The following FOXRED2 variants were observed in gnomAD, a reference collection of about 807,000 sequenced individuals.
The protein encoded by FOXRED2 is FAD-dependent oxidoreductase domain-containing protein 2.
In FOXRED2, 32 loss-of-function variants were observed where a neutral mutation model predicts 52.5. That is an observed-to-expected ratio of 0.61 (90% CI 0.46 to 0.82). FOXRED2 has a LOEUF of 0.82. Among genes scored for constraint, FOXRED2 ranks in the 40% least tolerant of loss-of-function variants. The pLI, the probability that FOXRED2 is intolerant of heterozygous loss-of-function variation, is 0.00. For synonymous variants in FOXRED2, 405 were observed against 398.1 expected, an observed-to-expected ratio of 1.02 and a Z score of -0.21; for missense variants, 848 against 937.5, an observed-to-expected ratio of 0.90 and a Z score of 1.25.
Position 36,493,539 on chromosome 22 carries a change from G to C in FOXRED2, c.1795+94C>G, listed in dbSNP as rs550958866. On this transcript the variant is annotated intron_variant, in intron 8 of 8. Transcript: ENST00000397224. ...CAGTAGTCTGGGGTTTGGATTTCCA[G>C]ATATGGGTCCTGAAACTCCACGGGT... The C allele has an allele frequency of 5.5e-4, 597 of 1,089,538 alleles. 1 individual carries two copies. Among genetic ancestry groups the C allele is most frequent in the Non-Finnish European group, 7.4e-4 (559 of 752,216 alleles). The allele number at this position is 1,089,538 out of a possible 1,614,324, so 67.5% of individuals were successfully genotyped here. A position where few individuals can be genotyped will look rare whatever the true frequency, so the allele number is the denominator to read the frequency against.
In FOXRED2 at chr22:36,504,531, A is replaced by T; in HGVS notation, c.763T>A (p.Tyr255Asn). ...SRVRLSWATH[Y>N]VGDLRAINNG... The stretch of plus-strand genomic sequence containing the variant: ...GTGGCCTACCTGAGGTCTCCAACGT[A>T]GTGGGTGGCCCAGGACAGACGGACC... The change falls in exon 3 of 9, where the codon TAC becomes AAC. Residue 255 changes from tyrosine to asparagine, a missense_variant. Tyr to Asn is a moderately radical substitution (Grantham distance 143, BLOSUM62 -2). Coordinates refer to ENST00000397224, the MANE Select transcript of FOXRED2 (RefSeq NM_001102371.2). 6.2e-7 allele frequency: 1 copy of T among 1,614,176 alleles called. No homozygotes were observed. Among genetic ancestry groups the T allele is most frequent in the Non-Finnish European group, 8.5e-7 (1 of 1,180,030 alleles).
At chr22:36,499,516 C>G (rs117330484) in intron 5 of FOXRED2, among the ~76,000 whole-genome samples, 3,978 of 152,132 alleles carry the variant, frequency 0.026, 94 homozygotes, top group Non-Finnish European at 0.042. Context: ...GTCCCAGCCA[C>G]TCAGAAGGCT....
At chr22:36,504,393 G>A in intron 3 of FOXRED2, 26 bp from the exon 4 acceptor site, 2 of 1,611,974 alleles carry the variant, frequency 1.2e-6, no homozygotes, top group Non-Finnish European at 1.7e-6. Flanking sequence ...ATGCAGGGGA[G>A]AGAGACTCAG....
chr22:36,493,541 T>C, intron 8 of FOXRED2, 92 bp downstream of exon 8: 1 of 1,102,624 alleles, frequency 9.1e-7, no homozygotes, highest in Non-Finnish European at 1.3e-6. Flanking sequence ...GATTTCCAGA[T>C]ATGGGTCCTG....
rs775620492 is a variant in FOXRED2, at chr22:36,506,307, C to T, written c.116G>A (p.Gly39Glu). 2.6e-6 allele frequency: 4 copies of T among 1,557,864 alleles called. No individual in the cohort carries two copies. The Admixed American group carries it at 5.5e-5, about 21-fold the overall frequency. ...GTAGGCCATCTGCAGGCCCGCGGGC[C>T]CAGCGCCCAGCACGCAGTAGTCCCG... Reference protein sequence around the residue: ...PRRDYCVLGAGPAGLQMAYFL... With the variant: ...PRRDYCVLGAEPAGLQMAYFL... The change falls in exon 2 of 9, where the codon GGG (glycine) becomes GAG (glutamate). Residue 39 changes from glycine to glutamate, a missense_variant. Physicochemically the swap from Gly to Glu is moderately conservative, Grantham distance 98. Transcript: ENST00000397224.
intron 5 of FOXRED2, among the ~76,000 whole-genome samples, chr22:36,499,031 T>C (rs1366345699): frequency 1.3e-5 from 2 of 152,150 alleles, no homozygotes; most frequent in African/African-American, 2.4e-5. Flanking sequence ...GCTTCCTGGA[T>C]TGAAGTGATT....
chr22:36,490,905 G>A (rs5995293), intron 8 of FOXRED2, among the ~76,000 whole-genome samples: 1 of 152,072 alleles, frequency 6.6e-6, no homozygotes, highest in Non-Finnish European at 1.5e-5. Context: ...GCCTTAATCC[G>A]ACAACTCTGG....
chr22:36,506,113 T>A lies in FOXRED2; in HGVS notation c.310A>T (p.Ser104Cys). The change falls in exon 2 of 9, where the codon AGC becomes TGC. Residue 104 changes from serine to cysteine, a missense_variant. Ser to Cys is a moderately radical substitution (Grantham distance 112). Transcript: ENST00000397224. ...NLRHDWNSLL[S>C]HDPRLLFRHY... ...CTGAAGAGCAGCCGGGGGTCGTGGC[T>A]GAGCAGAGAGTTCCAGTCGTGGCGG... 6.2e-7 allele frequency: 1 copy of A among 1,614,228 alleles called. No individual in the cohort carries two copies. The highest frequency in any genetic ancestry group is 8.5e-7 in the Non-Finnish European group (1 of 1,180,034).
intron 8 of FOXRED2, among the ~76,000 whole-genome samples, chr22:36,492,878 C>G (rs1331012615): frequency 2.0e-5 from 3 of 152,204 alleles, no homozygotes; most frequent in African/African-American, 7.2e-5. Context: ...GCTCAATGAT[C>G]TCATGAAGTT....
intron 7 of FOXRED2, among the ~76,000 whole-genome samples, chr22:36,494,954 G>GT (rs200147549): frequency 0.027 from 3,901 of 146,802 alleles, 92 homozygotes; most frequent in Non-Finnish European, 0.042. Context: ...TTGTTTGTTT[G>GT]TTTTTTTTGA....
At chr22:36,490,447 T>A (rs1398325973) in intron 8 of FOXRED2, among the ~76,000 whole-genome samples, 180 bp from the exon 9 acceptor site, 1 of 152,224 alleles carries the variant, frequency 6.6e-6, no homozygotes, top group East Asian at 1.9e-4. Flanking sequence ...GAGTAGGTCA[T>A]GAATCATGAC....
At position 36,505,938 on chromosome 22, in the gene FOXRED2, T is replaced by C. The variant is rs150710107; in HGVS notation, c.485A>G (p.Tyr162Cys). 45 of 1,614,144 alleles carry C rather than the reference T, an allele frequency of 2.8e-5. No individual in the cohort carries two copies. The East Asian group carries it at 4.7e-4, about 17-fold the overall frequency. ...GCCCTTCTGGTCAGTTAGGATGAAG[T>C]AGTGGCCATTCCAGGCCTGTCGGTC... Reference protein sequence around the residue: ...DKDRQAWNGHYFILTDQKGQV... With the variant: ...DKDRQAWNGHCFILTDQKGQV... The change falls in exon 2 of 9, where the codon TAC becomes TGC. Residue 162 changes from tyrosine (Y) to cysteine (C), a missense_variant. Coordinates refer to ENST00000397224, the MANE Select transcript of FOXRED2 (RefSeq NM_001102371.2).
At chr22:36,491,014 T>C (rs1933741995) in intron 8 of FOXRED2, among the ~76,000 whole-genome samples, 1 of 151,908 alleles carries the variant, frequency 6.6e-6, no homozygotes, top group South Asian at 2.1e-4. Flanking sequence ...ATACAAAAAT[T>C]AGCCAGGCGT....
intron 5 of FOXRED2, among the ~76,000 whole-genome samples, chr22:36,499,789 C>T (rs529644186): frequency 1.3e-5 from 2 of 152,142 alleles, no homozygotes; most frequent in Non-Finnish European, 1.5e-5. Context: ...GGAGCAGGAA[C>T]ATCTAATTTT....
intron 2 of FOXRED2, 112 bp from the exon 3 acceptor site, chr22:36,504,878 C>T: frequency 8.8e-7 from 1 of 1,141,058 alleles, no homozygotes; most frequent in Non-Finnish European, 1.2e-6. Context: ...CCGCCGGCCC[C>T]TAAAAGAAAA....
chr22:36,494,257 C>T (rs949156432), intron 7 of FOXRED2, among the ~76,000 whole-genome samples: 6 of 152,214 alleles, frequency 3.9e-5, no homozygotes, highest in African/African-American at 1.2e-4. Context: ...GCTGGGATTA[C>T]AGGTGCCCGC....
intron 3 of FOXRED2, 72 bp downstream of exon 3, chr22:36,504,443 G>A (rs1012922501): frequency 3.1e-6 from 5 of 1,607,804 alleles, no homozygotes; most frequent in Admixed American, 3.3e-5. Context: ...GGAAGGGCAG[G>A]GGAGGGTTGG....
chr22:36,495,170 A>G (rs1933863905), intron 7 of FOXRED2, among the ~76,000 whole-genome samples: 1 of 151,892 alleles, frequency 6.6e-6, no homozygotes, highest in Non-Finnish European at 1.5e-5. Context: ...CATTTTGGCC[A>G]GGCTGGTCTT....
At position 36,504,207 on chromosome 22, in the gene FOXRED2, C is replaced by A; in HGVS notation, c.940G>T (p.Asp314Tyr). 1 of 1,614,174 alleles carries A rather than the reference C, an allele frequency of 6.2e-7. No homozygotes were observed. The change falls in exon 4 of 9, where the codon GAC becomes TAC. Residue 314 changes from aspartate to tyrosine, a missense_variant. Asp to Tyr is a radical substitution (Grantham distance 160). Transcript: ENST00000397224. ...LEEANTNQSA[D>Y]SITLPQDDND... Reference sequence around the variant, plus strand: ...TCGTCCTGGGGGAGGGTGATGGAGTCGGCACTCTGGTTGGTGTTGGCTTCT... The same window carrying A: ...TCGTCCTGGGGGAGGGTGATGGAGTAGGCACTCTGGTTGGTGTTGGCTTCT...
Sources: allele counts gnomAD v4.1 joint callset (sites outside exome capture counted in the v4.1 genomes callset), GRCh38; gene constraint gnomAD v4.1.1; transcripts MANE v1.5; gene names NCBI Gene and HGNC (gene_info 2026-07-23, HGNC 2026-07-21).